The following GRIN2A variants were observed in gnomAD, a reference collection of about 807,000 sequenced individuals.
GRIN2A encodes glutamate ionotropic receptor NMDA type subunit 2A.
GRIN2A carries 22 observed loss-of-function variants against 113.4 expected under a neutral mutation model. That is an observed-to-expected ratio of 0.19 (90% CI 0.14 to 0.28). The LOEUF (loss-of-function observed/expected upper bound fraction) is 0.28, where lower values mean the gene tolerates loss of function less well. GRIN2A is among the 10% of genes least tolerant of loss of function. The probability of loss-of-function intolerance (pLI) is 1.00; values close to 1 mark genes in which losing one functional copy is unlikely to be tolerated. For synonymous variants in GRIN2A, 827 were observed against 738.4 expected (o/e 1.12, Z -1.94); for missense variants, 1,502 against 1,887.0 (o/e 0.80, Z 3.78).
Position 10,134,024 on chromosome 16 carries a change from G to GA in GRIN2A, c.414+45973dup, listed in dbSNP as rs542817027. Among the ~76,000 whole-genome samples the GA allele has an allele frequency of 7.9e-4, 116 of 147,340 alleles. 2 individuals are homozygous for GA. The East Asian group carries it at 0.013, about 16-fold the overall frequency. ...GTGGTGAAACCCCACCTCTGAAAAA[G>GA]AAAAAAAAAATACAAAAACAGATTA... is the stretch of plus-strand genomic sequence containing the variant. On this transcript the variant is annotated intron_variant, in intron 2 of 12. Coordinates refer to ENST00000330684, the MANE Select transcript of GRIN2A (RefSeq NM_001134407.3).
intron 10 of GRIN2A, among the ~76,000 whole-genome samples, 190 bp from the exon 11 acceptor site, chr16:9,798,654 C>G (rs1349978063): frequency 6.6e-6 from 1 of 152,224 alleles, no homozygotes; most frequent in East Asian, 1.9e-4. Flanking sequence ...AACCTTTTCT[C>G]TCCAACTTAC....
intron 2 of GRIN2A, among the ~76,000 whole-genome samples, chr16:10,126,338 T>G (rs551088461): frequency 1.3e-5 from 2 of 151,800 alleles, no homozygotes; most frequent in Non-Finnish European, 1.5e-5. Flanking sequence ...TTTAAAAAAA[T>G]TATTTTTTGT....
intron 8 of GRIN2A, among the ~76,000 whole-genome samples, chr16:9,831,213 T>TA (rs1310553799): frequency 6.6e-6 from 1 of 152,158 alleles, no homozygotes; most frequent in Non-Finnish European, 1.5e-5. Flanking sequence ...TCCTTTACAA[T>TA]AGTCTTTCCA....
intron 2 of GRIN2A, among the ~76,000 whole-genome samples, chr16:9,966,393 GT>G (rs1232692406): frequency 1.3e-5 from 2 of 152,098 alleles, no homozygotes; most frequent in Non-Finnish European, 2.9e-5. Flanking sequence ...TCCTGTGTTA[GT>G]TTCCTAAGGA....
Position 9,804,520 on chromosome 16 carries a change from A to C in GRIN2A, c.2169-6056T>G, listed in dbSNP as rs190456085. On this transcript the variant is annotated intron_variant, in intron 10 of 12. Transcript: ENST00000330684. Reference sequence around the variant, plus strand: ...CAGGTACCAGGGTTGTGTTTCTCCCACTGGGCAGGAGGACGTTCAGAGGTC... The same window carrying C: ...CAGGTACCAGGGTTGTGTTTCTCCCCCTGGGCAGGAGGACGTTCAGAGGTC... Among the ~76,000 whole-genome samples, 249 of 152,090 alleles carry C rather than the reference A, an allele frequency of 1.6e-3. 4 individuals are homozygous for C. Among genetic ancestry groups the C allele is most frequent in the Non-Finnish European group, 2.2e-4 (15 of 67,976 alleles).
At chr16:10,015,273 A>AAAAAAAAAAAAAAAAAAAAAAAAAAG (rs2046586801) in intron 2 of GRIN2A, among the ~76,000 whole-genome samples, 2 of 107,166 alleles carry the variant, frequency 1.9e-5, no homozygotes, top group African/African-American at 4.2e-5. Flanking sequence ...AAAAAAAAAG[A>AAAAAAAAAAAAAAAAAAAAAAAAAAG]AAAAAAAAAA....
At chr16:9,953,687 G>A (rs2045235501) in intron 2 of GRIN2A, among the ~76,000 whole-genome samples, 1 of 152,256 alleles carries the variant, frequency 6.6e-6, no homozygotes, top group African/African-American at 2.4e-5. Flanking sequence ...AGAGGTACGA[G>A]GAGAAAGCCG....
intron 4 of GRIN2A, among the ~76,000 whole-genome samples, chr16:9,881,094 C>T (rs919784722): frequency 2.0e-5 from 3 of 152,162 alleles, no homozygotes; most frequent in African/African-American, 4.8e-5. Context: ...TCTATTATCT[C>T]TGTTGATGGG....
chr16:10,094,149 A>G (rs959981992), intron 2 of GRIN2A, among the ~76,000 whole-genome samples: 3 of 152,198 alleles, frequency 2.0e-5, no homozygotes, highest in Non-Finnish European at 4.4e-5. Context: ...AGGAGATACC[A>G]ATAAGGAAAA....
rs2141107340 is a variant in GRIN2A, at chr16:9,754,600, T to C, written c.*8549A>G. The C allele has an allele frequency of 9.3e-6, 2 of 214,870 alleles. No homozygotes were observed. The highest frequency in any genetic ancestry group is 1.9e-5 in the Non-Finnish European group (2 of 106,544). The allele number at this position is 214,870 out of a possible 1,614,324, so 13.3% of individuals were successfully genotyped here. A position where few individuals can be genotyped will look rare whatever the true frequency, so the allele number is the denominator to read the frequency against. On this transcript the variant is annotated 3_prime_UTR_variant, in exon 13 of 13. Transcript: ENST00000330684. ...ACTGAAACATTTACGTAAGTGGTCA[T>C]GGCCCCAGAGCTTTTCTACAAACTT...
At chr16:9,952,547 A>G (rs1187585775) in intron 2 of GRIN2A, among the ~76,000 whole-genome samples, 1 of 152,216 alleles carries the variant, frequency 6.6e-6, no homozygotes, top group African/African-American at 2.4e-5. Context: ...CTGGCTCACA[A>G]TGAGAAATAC....
At chr16:9,917,394 C>T (rs1258297943) in intron 3 of GRIN2A, among the ~76,000 whole-genome samples, 3 of 152,236 alleles carry the variant, frequency 2.0e-5, no homozygotes, top group African/African-American at 7.2e-5. Flanking sequence ...GTAAATTCTT[C>T]AGATGAATGG....
intron 2 of GRIN2A, among the ~76,000 whole-genome samples, chr16:10,103,833 C>T (rs187777272): frequency 2.7e-4 from 41 of 152,298 alleles, no homozygotes; most frequent in Non-Finnish European, 5.3e-4. Context: ...AATGTATCTG[C>T]TCTATGTTCA....
At chr16:9,873,592 G>T (rs931122393) in intron 4 of GRIN2A, among the ~76,000 whole-genome samples, 4 of 152,176 alleles carry the variant, frequency 2.6e-5, no homozygotes, top group Non-Finnish European at 5.9e-5. Flanking sequence ...AGAAACATCT[G>T]TGGAATCTTT....
At chr16:9,869,204 AGG>A (rs1469353294) in intron 4 of GRIN2A, among the ~76,000 whole-genome samples, 7 of 152,330 alleles carry the variant, frequency 4.6e-5, no homozygotes, top group African/African-American at 1.7e-4. Context: ...AAGGCAAGGC[AGG>A]AGGATCACTT....
chr16:10,011,177 A>G (rs956442513), intron 2 of GRIN2A, among the ~76,000 whole-genome samples: 3 of 152,186 alleles, frequency 2.0e-5, no homozygotes, highest in African/African-American at 7.2e-5. Flanking sequence ...CATTTTGAAG[A>G]TGGCTCTTAT....
intron 2 of GRIN2A, among the ~76,000 whole-genome samples, chr16:10,137,471 G>A (rs2049221115): frequency 6.6e-6 from 1 of 152,120 alleles, no homozygotes; most frequent in Admixed American, 6.6e-5. Context: ...GCTTTCACCT[G>A]CCTCCAGTCC....
Position 9,818,971 on chromosome 16 carries a change from AAT to A in GRIN2A, c.2168+3291_2168+3292del, listed in dbSNP as rs201280638. On this transcript the variant is annotated intron_variant, in intron 10 of 12. Transcript: ENST00000330684. Reference sequence around the variant, plus strand: ...ATTGGAAACAACCTAAATGTCCAACAATAGAGGCCTGACCAAATAAAATATGG... The same window carrying A: ...ATTGGAAACAACCTAAATGTCCAACAAGAGGCCTGACCAAATAAAATATGG... Among the ~76,000 whole-genome samples the A allele has an allele frequency of 6.2e-3, 942 of 152,342 alleles. 8 individuals carry two copies. Among genetic ancestry groups the A allele is most frequent in the African/African-American group, 0.021 (873 of 41,570 alleles).
At chr16:9,865,393 G>A (rs1370736223) in intron 4 of GRIN2A, among the ~76,000 whole-genome samples, 1 of 152,124 alleles carries the variant, frequency 6.6e-6, no homozygotes, top group African/African-American at 2.4e-5. Flanking sequence ...TGAGAATCAT[G>A]GTGACCAATC....
Sources: gnomAD v4.1 joint callset for allele counts (sites outside exome capture counted in the v4.1 genomes callset) on GRCh38, gnomAD v4.1.1 for gene constraint, MANE v1.5 for transcripts, NCBI Gene and HGNC (gene_info 2026-07-23, HGNC 2026-07-21) for gene names.